The following WWOX variants were observed in gnomAD, a reference collection of about 807,000 sequenced individuals.
WWOX encodes the protein WW domain containing oxidoreductase, also known as WW domain-containing oxidoreductase.
WWOX carries 69 observed loss-of-function variants against 46.2 expected under a neutral mutation model. The ratio of observed to expected loss-of-function variants is 1.49; its 90% confidence interval spans 1.23 to 1.82. The LOEUF is 1.82. Ranked by LOEUF, WWOX falls within the 40% of genes most tolerant of loss-of-function variation. WWOX has a pLI of 0.00. For missense variants in WWOX, 919 were observed against 542.6 expected, an observed-to-expected ratio of 1.69 and a Z score of -6.89; for synonymous variants, 359 against 202.6, an observed-to-expected ratio of 1.77 and a Z score of -6.56.
At chr16:78,842,750 G>T (rs2052192129) in intron 8 of WWOX, among the ~76,000 whole-genome samples, 1 of 150,882 alleles carries the variant, frequency 6.6e-6, no homozygotes, top group Non-Finnish European at 1.5e-5. Context: ...TACTCAGGAG[G>T]CTGAGGCAGT....
chr16:78,558,725 A>G (rs2044363601), intron 8 of WWOX, among the ~76,000 whole-genome samples: 1 of 152,144 alleles, frequency 6.6e-6, no homozygotes, highest in South Asian at 2.1e-4. Flanking sequence ...ACTTCTCCCC[A>G]GTCTTGGCTT....
intron 4 of WWOX, among the ~76,000 whole-genome samples, chr16:78,119,259 C>T (rs540448399): frequency 8.3e-4 from 127 of 152,280 alleles, no homozygotes; most frequent in African/African-American, 3.0e-3. Flanking sequence ...GCACGGTGAA[C>T]ATTACATGCA....
At chr16:78,809,160 T>G (rs2051122641) in intron 8 of WWOX, among the ~76,000 whole-genome samples, 1 of 152,034 alleles carries the variant, frequency 6.6e-6, no homozygotes, top group Non-Finnish European at 1.5e-5. Flanking sequence ...CAATCTCAAG[T>G]CATAGGAGAA....
chr16:79,180,063 G>C (rs2050879688), intron 8 of WWOX, among the ~76,000 whole-genome samples: 1 of 152,026 alleles, frequency 6.6e-6, no homozygotes, highest in African/African-American at 2.4e-5. Context: ...TGCTTTTTGA[G>C]AGATTCTATT....
intron 8 of WWOX, among the ~76,000 whole-genome samples, chr16:78,450,260 G>C (rs2083661566): frequency 6.6e-6 from 1 of 152,116 alleles, no homozygotes; most frequent in Admixed American, 6.5e-5. Context: ...GCATCCTTGA[G>C]TTGCATATGA....
chr16:78,400,618 C>G (rs987985040), intron 6 of WWOX, among the ~76,000 whole-genome samples: 1 of 151,914 alleles, frequency 6.6e-6, no homozygotes, highest in Admixed American at 6.6e-5. Flanking sequence ...TCTTACCATC[C>G]TAAGGAGGGA....
At chr16:79,163,066 G>A (rs1164233344) in intron 8 of WWOX, among the ~76,000 whole-genome samples, 1 of 152,208 alleles carries the variant, frequency 6.6e-6, no homozygotes, top group African/African-American at 2.4e-5. Flanking sequence ...CACACAGGAT[G>A]AGGCCTCTTT....
At chr16:78,916,409 G>A (rs1377696268) in intron 8 of WWOX, among the ~76,000 whole-genome samples, 1 of 152,176 alleles carries the variant, frequency 6.6e-6, no homozygotes, top group African/African-American at 2.4e-5. Flanking sequence ...GGGAAGACTG[G>A]CAAGATGAGA....
rs1003609770 is a variant in WWOX, at chr16:79,068,817, A to T, written c.1057-142791A>T. Among the ~76,000 whole-genome samples the T allele has an allele frequency of 2.8e-5, 3 of 107,054 alleles. No homozygotes were observed. In the Admixed American group the frequency reaches 3.5e-4, roughly 13 times the overall value. The allele number at this position is 107,054 out of a possible 152,430, so 70.2% of individuals were successfully genotyped here. A position where few individuals can be genotyped will look rare whatever the true frequency, so the allele number is the denominator to read the frequency against. On this transcript the variant is annotated intron_variant, in intron 8 of 8. Coordinates refer to ENST00000566780, the MANE Select transcript of WWOX (RefSeq NM_016373.4). ...TAGAGCCAGAACTTGTCTCAAAAAA[A>T]CCCAATAATAATAATAATAATAATA...
chr16:78,385,191 C>T (rs1451023048), intron 5 of WWOX, among the ~76,000 whole-genome samples: 2 of 141,920 alleles, frequency 1.4e-5, no homozygotes, highest in Non-Finnish European at 3.0e-5. Context: ...GCAGGCATGA[C>T]TTGGATTCTT....
chr16:78,585,220 A>G (rs2045166450), intron 8 of WWOX, among the ~76,000 whole-genome samples: 1 of 152,192 alleles, frequency 6.6e-6, no homozygotes, highest in Admixed American at 6.5e-5. Context: ...GTGGCCCATA[A>G]AATGTAATCT....
Position 78,314,084 on chromosome 16 carries a change from A to G in WWOX, c.517-72776A>G, listed in dbSNP as rs543417386. On this transcript the variant is annotated intron_variant, in intron 5 of 8. Transcript: ENST00000566780. ...GTCTCCTTCAGTTATGGTGAGAATT[A>G]AAATAAAAAACACAAAGCACTTCTA... 8.5e-5 allele frequency among the ~76,000 whole-genome samples: 13 copies of G among 152,200 alleles called. No homozygotes were observed. In the South Asian group the frequency reaches 2.7e-3, roughly 32 times the overall value.
chr16:78,674,508 C>T (rs1452166524), intron 8 of WWOX, among the ~76,000 whole-genome samples: 1 of 152,096 alleles, frequency 6.6e-6, no homozygotes, highest in African/African-American at 2.4e-5. Flanking sequence ...TGGTCTCAAA[C>T]TCCTGACGTC....
At chr16:78,476,933 C>G (rs1029151467) in intron 8 of WWOX, among the ~76,000 whole-genome samples, 12 of 151,956 alleles carry the variant, frequency 7.9e-5, no homozygotes, top group Non-Finnish European at 1.8e-4. Context: ...TCCGTCCTTC[C>G]TCCTTCAGTT....
intron 5 of WWOX, among the ~76,000 whole-genome samples, chr16:78,257,906 G>A (rs114911127): frequency 0.014 from 2,019 of 143,250 alleles, 49 homozygotes; most frequent in African/African-American, 0.052. Context: ...CAGGAACTGA[G>A]TATGTTTCCA....
intron 8 of WWOX, chr16:78,552,504 T>G (rs952838744): frequency 6.6e-6 from 1 of 152,270 alleles, no homozygotes; most frequent in Non-Finnish European, 1.5e-5. Context: ...GCTGGTTTTC[T>G]GAGTGAGGGA....
chr16:78,365,954 T>C (rs1298124426), intron 5 of WWOX, among the ~76,000 whole-genome samples: 2 of 152,224 alleles, frequency 1.3e-5, no homozygotes, highest in Admixed American at 6.5e-5. Context: ...AGAAGTATTA[T>C]GCCCATGTGC....
chr16:78,938,437 G>T (rs527779440), intron 8 of WWOX, among the ~76,000 whole-genome samples: 13 of 151,834 alleles, frequency 8.6e-5, no homozygotes, highest in Non-Finnish European at 1.9e-4. Context: ...CTTTGTGTGA[G>T]ACAGTGAAAC....
chr16:78,920,783 G>A lies in WWOX; in HGVS notation c.1057-290825G>A, dbSNP rs369504582. Among the ~76,000 whole-genome samples, 38 of 152,224 alleles carry A rather than the reference G, an allele frequency of 2.5e-4. 2 individuals are homozygous for A. The South Asian group carries it at 7.5e-3, about 30-fold the overall frequency. ...AACACGACTTTTCTCTTCTTATTAC[G>A]CTGAGCATGAAAATAAAATGTTTTC... is the stretch of plus-strand genomic sequence containing the variant. On this transcript the variant is annotated intron_variant, in intron 8 of 8. Transcript: ENST00000566780.
Sources: allele counts gnomAD v4.1 joint callset (sites outside exome capture counted in the v4.1 genomes callset), GRCh38; gene constraint gnomAD v4.1.1; transcripts MANE v1.5; gene names NCBI Gene and HGNC (gene_info 2026-07-23, HGNC 2026-07-21).